WDHD1: variants seen among roughly 807,000 people sequenced by gnomAD.
WDHD1 encodes the protein WD repeat and HMG-box DNA-binding protein 1.
Under a neutral mutation model 135.4 loss-of-function variants are expected in WDHD1, and 111 were observed. The ratio of observed to expected loss-of-function variants is 0.82; its 90% confidence interval spans 0.70 to 0.96. The LOEUF (loss-of-function observed/expected upper bound fraction) is 0.96. Among genes scored for constraint, WDHD1 ranks in the 40% least tolerant of loss-of-function variants. The pLI is 0.00. For missense variants in WDHD1, 1,351 were observed against 1,336.3 expected (o/e 1.01, Z -0.17); for synonymous variants, 434 against 439.0 (o/e 0.99, Z 0.14).
At position 55,010,217 on chromosome 14, in the gene WDHD1, T is replaced by TA; in HGVS notation, c.341+91dup. 3 of 1,284,856 alleles carry TA rather than the reference T, an allele frequency of 2.3e-6. No homozygotes were observed. The South Asian group carries it at 7.0e-5, about 30-fold the overall frequency. The allele number at this position is 1,284,856 out of a possible 1,614,324, so 79.6% of individuals were successfully genotyped here. ...GAAGAAACAACAAACAACAAAAAAT[T>TA]AAGTCACGGTCCTGAAAACACTACC... On this transcript the variant is annotated intron_variant, in intron 4 of 25. Coordinates refer to ENST00000360586, the MANE Select transcript of WDHD1 (RefSeq NM_007086.4).
At chr14:54,997,114 GAC>G (rs2041895004) in intron 10 of WDHD1, among the ~76,000 whole-genome samples, 1 of 29,668 alleles carries the variant, frequency 3.4e-5, no homozygotes, top group Non-Finnish European at 6.5e-5. Context: ...TTTTTTTTTT[GAC>G]ACAGAGTCTC....
chr14:54,942,025 T>C (rs1016622316), intron 25 of WDHD1, among the ~76,000 whole-genome samples: 1 of 151,966 alleles, frequency 6.6e-6, no homozygotes, highest in Non-Finnish European at 1.5e-5. Context: ...CCGAGGTGGG[T>C]GGATCACGGG....
At chr14:55,018,123 C>T (rs1004133865) in intron 2 of WDHD1, among the ~76,000 whole-genome samples, 1 of 152,062 alleles carries the variant, frequency 6.6e-6, no homozygotes, top group Admixed American at 6.6e-5. Context: ...GAAGAGCGAG[C>T]GACTCTGTAA....
intron 18 of WDHD1, 64 bp downstream of exon 18, chr14:54,966,411 T>C (rs2041345665): frequency 6.5e-7 from 1 of 1,535,030 alleles, no homozygotes; most frequent in East Asian, 2.3e-5. Flanking sequence ...CACAGACCTT[T>C]AAGAAATTCA....
intron 12 of WDHD1, among the ~76,000 whole-genome samples, chr14:54,989,414 T>G (rs1488925809): frequency 6.6e-6 from 1 of 152,114 alleles, no homozygotes; most frequent in African/African-American, 2.4e-5. Flanking sequence ...ATTATTTCCT[T>G]GGTGAGAATA....
At chr14:54,971,086 T>A (rs941383551) in intron 16 of WDHD1, among the ~76,000 whole-genome samples, 1 of 152,100 alleles carries the variant, frequency 6.6e-6, no homozygotes, top group Non-Finnish European at 1.5e-5. Context: ...AAAAATTAAC[T>A]CAAGATGGAT....
At position 54,966,604 on chromosome 14, in the gene WDHD1, C is replaced by A. The variant is rs143476153; in HGVS notation, c.2181G>T (p.Glu727Asp). ...GAAATATAACTGAACGCCAAAATTGCTCCTATAAAAGCAAATAAAATTGCT... is the reference window on the plus strand; with the variant it reads ...GAAATATAACTGAACGCCAAAATTGATCCTATAAAAGCAAATAAAATTGCT... ...QIATEKGQME[E>D]QFWRSVIFHN... The change falls in exon 18 of 26, where the codon GAG becomes GAT. Residue 727 changes from glutamate to aspartate, a missense_variant and splice_region_variant. Physicochemically the swap from Glu to Asp is conservative, Grantham distance 45 (BLOSUM62 2). Around this residue, in one of 2 missense-constraint regions of WDHD1, gnomAD observed 1,330 missense variants for 1,296.1 expected, o/e 1.03. Transcript: ENST00000360586. The A allele has an allele frequency of 3.7e-6, 6 of 1,602,378 alleles. No individual in the cohort carries two copies. Among genetic ancestry groups the A allele is most frequent in the Admixed American group, 1.8e-5 (1 of 56,624 alleles).
chr14:54,964,464 C>A (rs997053874), intron 18 of WDHD1, among the ~76,000 whole-genome samples: 1 of 151,966 alleles, frequency 6.6e-6, no homozygotes, highest in African/African-American at 2.4e-5. Flanking sequence ...CACGGTGAAA[C>A]ACAGTCTCTA....
chr14:54,944,616 CTTTT>C (rs780376690), intron 24 of WDHD1, 146 bp from the exon 25 acceptor site: 2,110 of 268,224 alleles, frequency 7.9e-3, no homozygotes, highest in South Asian at 0.013. Context: ...ATTCATGTTA[CTTTT>C]TTTTTTTTTT....
intron 24 of WDHD1, among the ~76,000 whole-genome samples, chr14:54,950,289 A>T (rs2041021548): frequency 6.6e-6 from 1 of 152,194 alleles, no homozygotes; most frequent in Non-Finnish European, 1.5e-5. Flanking sequence ...AAATAAAGGG[A>T]TGGAGGAAGA....
At chr14:55,025,319 C>G (rs2042417307) in intron 2 of WDHD1, among the ~76,000 whole-genome samples, 1 of 150,870 alleles carries the variant, frequency 6.6e-6, no homozygotes, top group Non-Finnish European at 1.5e-5. Flanking sequence ...GAAACACCCA[C>G]AAATGATGAA....
rs760959220 is a variant in WDHD1 at position 54,963,019 on chromosome 14, C to A, written c.2464G>T (p.Glu822Ter). 2 of 1,613,746 alleles carry A rather than the reference C, an allele frequency of 1.2e-6. No individual in the cohort carries two copies. The highest frequency in any genetic ancestry group is 1.7e-6 in the Non-Finnish European group (2 of 1,179,870). Residue 822 changes from glutamate to a stop codon, truncating the protein, a stop_gained, in exon 19 of 26, where the codon GAA becomes TAA. Transcript: ENST00000360586. LOFTEE classifies it high-confidence loss of function. ...LSELAVEKAA[E>*]LTATQVEEEE... ...TCTTCCACCTGGGTTGCTGTCAATT[C>A]GGCTGCCTTCTCTACAGCCAGTTCA... is the stretch of plus-strand genomic sequence containing the variant.
chr14:54,973,884 A>G (rs1319470410), intron 16 of WDHD1, among the ~76,000 whole-genome samples: 2 of 152,210 alleles, frequency 1.3e-5, no homozygotes, highest in Admixed American at 1.3e-4. Flanking sequence ...AGCCACATTT[A>G]CATCAAAGCA....
chr14:54,954,479 C>T (rs2041117973), intron 24 of WDHD1, among the ~76,000 whole-genome samples: 1 of 152,184 alleles, frequency 6.6e-6, no homozygotes, highest in African/African-American at 2.4e-5. Flanking sequence ...TTGAACCATA[C>T]ATGAATCCAT....
chr14:55,026,060 G>C (rs978827447), intron 2 of WDHD1, among the ~76,000 whole-genome samples: 1 of 152,172 alleles, frequency 6.6e-6, no homozygotes, highest in Non-Finnish European at 1.5e-5. Context: ...TTCAATGCCT[G>C]TCAATCCAAA....
At chr14:55,011,301 G>A (rs923629741) in intron 3 of WDHD1, among the ~76,000 whole-genome samples, 14 of 151,998 alleles carry the variant, frequency 9.2e-5, no homozygotes, top group African/African-American at 1.5e-4. Flanking sequence ...AGGCCAAGGC[G>A]GGTGGATCAC....
In WDHD1 at chr14:54,980,802, T is replaced by TAAA. The variant is rs375441329; in HGVS notation, c.2063+735_2063+737dup. Among the ~76,000 whole-genome samples the TAAA allele has an allele frequency of 5.4e-3, 451 of 83,606 alleles. 16 individuals carry two copies. Among genetic ancestry groups the TAAA allele is most frequent in the African/African-American group, 0.02 (420 of 20,958 alleles). The allele number at this position is 83,606 out of a possible 152,430, so 54.8% of individuals were successfully genotyped here. ...CTGGGTGACAGAGTGAGACTCCACATAAAAAAAAAAAAAAAAAAAAAAACT... is the reference window on the plus strand; with the variant it reads ...CTGGGTGACAGAGTGAGACTCCACATAAAAAAAAAAAAAAAAAAAAAAAAAACT... On this transcript the variant is annotated intron_variant, in intron 16 of 25. Coordinates refer to ENST00000360586, the MANE Select transcript of WDHD1 (RefSeq NM_007086.4).
At chr14:54,942,411 A>T (rs1241955810) in intron 25 of WDHD1, among the ~76,000 whole-genome samples, 3 of 152,128 alleles carry the variant, frequency 2.0e-5, no homozygotes, top group African/African-American at 7.2e-5. Context: ...CTATAGCCCA[A>T]CAATCACAAC....
Position 54,962,982 on chromosome 14 carries a change from T to A in WDHD1, c.2501A>T (p.Glu834Val), listed in dbSNP as rs2041277661. Residue 834 changes from glutamate (E) to valine (V), a missense_variant, in exon 19 of 26, where the codon GAA (glutamate) becomes GTA (valine). Transcript: ENST00000360586. The part of the protein sequence containing the change: ...TATQVEEEEE[E>V]EDFRKKLNAG... ...ATTCAGCTTTTTTCTGAAATCTTCTTCTTCTTCTTCCTCTTCCACCTGGGT... is the reference window on the plus strand; with the variant it reads ...ATTCAGCTTTTTTCTGAAATCTTCTACTTCTTCTTCCTCTTCCACCTGGGT... 2 of 1,613,916 alleles carry A rather than the reference T, an allele frequency of 1.2e-6. No homozygotes were observed. The highest frequency in any genetic ancestry group is 1.7e-6 in the Non-Finnish European group (2 of 1,179,920).
Sources: gnomAD v4.1 joint callset for allele counts (sites outside exome capture counted in the v4.1 genomes callset) on GRCh38, gnomAD v4.1.1 for gene constraint, gnomAD v4.1.1 regional missense constraint, MANE v1.5 for transcripts, NCBI Gene and HGNC (gene_info 2026-07-23, HGNC 2026-07-21) for gene names.